UNC5CL: variants seen among roughly 807,000 people sequenced by gnomAD.
UNC5CL encodes unc-5 family C-terminal like.
In UNC5CL, 42 loss-of-function variants were observed where a neutral mutation model predicts 54.1. The ratio of observed to expected loss-of-function variants is 0.78; its 90% confidence interval spans 0.61 to 1.00. The LOEUF is 1.00. Ranked by LOEUF, UNC5CL falls within the 50% of genes least tolerant of loss-of-function variation. UNC5CL has a pLI of 0.00. For synonymous variants in UNC5CL, 285 were observed against 285.1 expected (o/e 1.00, Z 0.00); for missense variants, 619 against 675.6 (o/e 0.92, Z 0.93).
In UNC5CL at chr6:41,027,853, C is replaced by T. The variant is rs990935315; in HGVS notation, c.*520G>A. ...AGCCCGCACTCAGCTCTTCCCCTCT[C>T]AACTCCTAAAGCCACACCCACCTCC... On this transcript the variant is annotated 3_prime_UTR_variant, in exon 9 of 9. Coordinates refer to ENST00000244565, the MANE Select transcript of UNC5CL (RefSeq NM_173561.3). 1.3e-5 allele frequency: 2 copies of T among 153,110 alleles called. No individual in the cohort carries two copies. The highest frequency in any genetic ancestry group is 4.8e-5 in the African/African-American group (2 of 41,488). The allele number at this position is 153,110 out of a possible 1,614,324, so 9.5% of individuals were successfully genotyped here. A position where few individuals can be genotyped will look rare whatever the true frequency, so the allele number is the denominator to read the frequency against.
At position 41,028,254 on chromosome 6, in the gene UNC5CL, G is replaced by A; in HGVS notation, c.*119C>T. ...CGAGGACGCGGGCGGCCCTGGCACC[G>A]TCCGAGGGTTCTGGGAAGGGTGGTG... On this transcript the variant is annotated 3_prime_UTR_variant, in exon 9 of 9. Coordinates refer to ENST00000244565, the MANE Select transcript of UNC5CL (RefSeq NM_173561.3). This position sits in a 1 kb window ranked among gnomAD's most constrained non-coding sequence, Gnocchi z 4.3. The A allele has an allele frequency of 8.6e-7, 1 of 1,157,272 alleles. No homozygotes were observed. The highest frequency in any genetic ancestry group is 1.2e-6 in the Non-Finnish European group (1 of 847,280). 71.7% of individuals were successfully genotyped at this position (1,157,272 alleles called of 1,614,324 possible).
chr6:41,034,823 G>T lies in UNC5CL; in HGVS notation c.252C>A (p.His84Gln). The T allele has an allele frequency of 6.2e-7, 1 of 1,614,246 alleles. No individual in the cohort carries two copies. Among genetic ancestry groups the T allele is most frequent in the Non-Finnish European group, 8.5e-7 (1 of 1,180,044 alleles). The change falls in exon 2 of 9, where the codon CAC becomes CAA. Residue 84 changes from histidine (H) to glutamine (Q), a missense_variant. Transcript: ENST00000244565. ...PEMVAFYQEL[H>Q]TPTQGQTMVR... ...CCATGGTCTGGCCTTGAGTGGGTGT[G>T]TGTAGCTCCTGGTAGAAGGCAACCA...
intron 1 of UNC5CL, among the ~76,000 whole-genome samples, chr6:41,037,085 G>A (rs911897260): frequency 4.6e-5 from 7 of 152,154 alleles, no homozygotes; most frequent in Admixed American, 2.6e-4. Flanking sequence ...CTCTCCCTAC[G>A]TGGATCCTCC....
At position 41,034,955 on chromosome 6, in the gene UNC5CL, C is replaced by A; in HGVS notation, c.120G>T (p.Leu40=). ...GACCATTCAGTGTCCAGCAGGCCCC[C>A]AGCAGCCTTCTAGGGCAGTGCCATC... is the stretch of plus-strand genomic sequence containing the variant. ...CLRWHCPRRL[L]GACWTLNGQE... Residue 40 remains leucine (L), a synonymous_variant, in exon 2 of 9, where the codon CTG becomes CTT. Coordinates refer to ENST00000244565, the MANE Select transcript of UNC5CL (RefSeq NM_173561.3). 6.2e-7 allele frequency: 1 copy of A among 1,613,954 alleles called. No homozygotes were observed.
In UNC5CL at chr6:41,036,861, C is replaced by T. The variant is rs115612598; in HGVS notation, c.-61-1726G>A. On this transcript the variant is annotated intron_variant, in intron 1 of 8. Transcript: ENST00000244565. ...ACCTCCTGCTCACCTGGCTACCCAG[C>T]CAGGCCACAGGCTGAGACTTCCCAG... 5.6e-3 allele frequency among the ~76,000 whole-genome samples: 848 copies of T among 152,284 alleles called. 11 individuals are homozygous for T. Among genetic ancestry groups the T allele is most frequent in the African/African-American group, 0.019 (788 of 41,556 alleles).
chr6:41,035,712 C>T (rs534019221), intron 1 of UNC5CL, among the ~76,000 whole-genome samples: 5 of 152,194 alleles, frequency 3.3e-5, no homozygotes, highest in South Asian at 2.1e-4. Context: ...GTGGTAGCTT[C>T]GGGTCACTGC....
rs759138424 is a variant in UNC5CL at position 41,035,094 on chromosome 6, C to T, written c.-20G>A. On this transcript the variant is annotated 5_prime_UTR_variant, in exon 2 of 9. Transcript: ENST00000244565. ...GCACATTCGCCTGGTTACTCAATGC[C>T]GCTGGCTCTCCTTCACCCCTGTGCC... 4.8e-5 allele frequency: 74 copies of T among 1,537,898 alleles called. No individual in the cohort carries two copies. Among genetic ancestry groups the T allele is most frequent in the South Asian group, 1.7e-4 (14 of 80,540 alleles).
chr6:41,031,870 C>A, intron 5 of UNC5CL, 122 bp from the exon 6 acceptor site: 1 of 1,260,776 alleles, frequency 7.9e-7, no homozygotes, highest in East Asian at 2.3e-5. Flanking sequence ...GTCCAACACT[C>A]CATTTTTCTC....
chr6:41,033,173 T>C (rs1324728477), intron 3 of UNC5CL, 27 bp from the exon 4 acceptor site: 32 of 1,605,286 alleles, frequency 2.0e-5, no homozygotes, highest in Non-Finnish European at 2.7e-5. Context: ...TGGCAGGCAC[T>C]AATGTGCAGG....
rs1437515652 is a variant in UNC5CL at position 41,029,519 on chromosome 6, G to A, written c.1334+869C>T. ...CCTTTACTAGTGTGTGCGCTCCTAG[G>A]CGCCGGGACCATGCCTCATTCATCT... On this transcript the variant is annotated intron_variant, in intron 8 of 8. Coordinates refer to ENST00000244565, the MANE Select transcript of UNC5CL (RefSeq NM_173561.3). The surrounding 1 kb of genome is among the most constrained non-coding windows in gnomAD (Gnocchi z 4.1). 6.6e-6 allele frequency among the ~76,000 whole-genome samples: 1 copy of A among 152,212 alleles called. No homozygotes were observed. Among genetic ancestry groups the A allele is most frequent in the Non-Finnish European group, 1.5e-5 (1 of 68,042 alleles).
chr6:41,036,035 G>T (rs1762520123), intron 1 of UNC5CL, among the ~76,000 whole-genome samples: 1 of 152,184 alleles, frequency 6.6e-6, no homozygotes, highest in Non-Finnish European at 1.5e-5. Context: ...CATATAAATA[G>T]ATACATATTT....
At position 41,031,664 on chromosome 6, in the gene UNC5CL, C is replaced by T. The variant is rs749579560; in HGVS notation, c.1119+17G>A. 2 of 1,614,000 alleles carry T rather than the reference C, an allele frequency of 1.2e-6. No individual in the cohort carries two copies. The highest frequency in any genetic ancestry group is 1.7e-5 in the Admixed American group (1 of 60,032). Reference sequence around the variant, plus strand: ...CCCCAGGCCCTGCCCTTCCTCTGCCCCTCAGCTCCAACTCACATCCTGGAA... The same window carrying T: ...CCCCAGGCCCTGCCCTTCCTCTGCCTCTCAGCTCCAACTCACATCCTGGAA... On this transcript the variant is annotated intron_variant, in intron 6 of 8. Transcript: ENST00000244565.
At chr6:41,034,610 G>A (rs940955501) in intron 2 of UNC5CL, 80 bp downstream of exon 2, 2 of 1,505,844 alleles carry the variant, frequency 1.3e-6, no homozygotes, top group Admixed American at 3.7e-5. Flanking sequence ...AGGTGTCTAT[G>A]AACATTGCTC....
At position 41,034,096 on chromosome 6, in the gene UNC5CL, C is replaced by G. The variant is rs776099429; in HGVS notation, c.471G>C (p.Gln157His). ...ATGCCACCACAGGGCTTACCAGCCC[C>G]TGGGCTTGGGACAGCGATGGGGCGT... Reference protein sequence around the residue: ...LSDAPSLSQAQGLVSPVVACG... With the variant: ...LSDAPSLSQAHGLVSPVVACG... Residue 157 changes from glutamine to histidine, a missense_variant, in exon 3 of 9, where the codon CAG becomes CAC. Physicochemically the swap from Gln to His is conservative, Grantham distance 24 (BLOSUM62 0). Coordinates refer to ENST00000244565, the MANE Select transcript of UNC5CL (RefSeq NM_173561.3). The G allele has an allele frequency of 6.2e-6, 10 of 1,614,064 alleles. No homozygotes were observed. Among genetic ancestry groups the G allele is most frequent in the African/African-American group, 1.3e-5 (1 of 74,954 alleles).
At position 41,027,061 on chromosome 6, in the gene UNC5CL, G is replaced by A. The variant is rs1214545389; in HGVS notation, c.*1312C>T. On this transcript the variant is annotated 3_prime_UTR_variant, in exon 9 of 9. Transcript: ENST00000244565. ...GTCAAACCCTTTATTCTCTGTTCAG[G>A]ACCCAGCCCATTCATGTCTTTTGTA... 6.6e-6 allele frequency: 1 copy of A among 152,140 alleles called. No individual in the cohort carries two copies. Among genetic ancestry groups the A allele is most frequent in the African/African-American group, 2.4e-5 (1 of 41,422 alleles). The allele number at this position is 152,140 out of a possible 1,614,324, so 9.4% of individuals were successfully genotyped here.
chr6:41,033,682 A>G, intron 3 of UNC5CL, 199 bp downstream of exon 3: 3 of 615,828 alleles, frequency 4.9e-6, no homozygotes, highest in Non-Finnish European at 8.4e-6. Context: ...TGGGATTTGC[A>G]GTCATGGACA....
At chr6:41,030,281 A>G (rs770390382) in intron 8 of UNC5CL, 107 bp downstream of exon 8, 4 of 1,047,224 alleles carry the variant, frequency 3.8e-6, no homozygotes, top group Non-Finnish European at 5.8e-6. Context: ...CCATTCTCTG[A>G]CTTTTAAGTC....
Position 41,028,669 on chromosome 6 carries a change from G to T in UNC5CL, c.1335-74C>A. ...CTCCCCCCCTGCTGCAGGCTCCCTG[G>T]GCTGCGCAGCGCAAGGTCCGTCCCT... On this transcript the variant is annotated intron_variant, in intron 8 of 8. Transcript: ENST00000244565. This position sits in a 1 kb window ranked among gnomAD's most constrained non-coding sequence, Gnocchi z 4.3. 1 of 1,448,512 alleles carries T rather than the reference G, an allele frequency of 6.9e-7. No individual in the cohort carries two copies. The highest frequency in any genetic ancestry group is 9.4e-7 in the Non-Finnish European group (1 of 1,059,076). 89.7% of individuals were successfully genotyped at this position (1,448,512 alleles called of 1,614,324 possible).
intron 2 of UNC5CL, 37 bp downstream of exon 2, chr6:41,034,653 C>A: frequency 6.3e-7 from 1 of 1,586,534 alleles, no homozygotes; most frequent in South Asian, 1.1e-5. Context: ...TACAGTCTGA[C>A]CAACTGTATG....
Sources: gnomAD v4.1 joint callset for allele counts (sites outside exome capture counted in the v4.1 genomes callset) on GRCh38, gnomAD v4.1.1 for gene constraint, Gnocchi (gnomAD v3.1) non-coding constraint, MANE v1.5 for transcripts, NCBI Gene and HGNC (gene_info 2026-07-23, HGNC 2026-07-21) for gene names.